PTPRD: variants seen among roughly 807,000 people sequenced by gnomAD.
The protein encoded by PTPRD is receptor-type tyrosine-protein phosphatase delta.
Under a neutral mutation model 214.5 loss-of-function variants are expected in PTPRD, and 34 were observed. The observed-to-expected ratio is 0.16, with a 90% CI of 0.12 to 0.21. The LOEUF (loss-of-function observed/expected upper bound fraction) is 0.21. Ranked by LOEUF, PTPRD falls within the 10% of genes least tolerant of loss-of-function variation. PTPRD has a pLI of 1.00. For missense variants in PTPRD, 2,545 were observed against 2,398.7 expected, an observed-to-expected ratio of 1.06 and a Z score of -1.27; for synonymous variants, 1,128 against 845.7, an observed-to-expected ratio of 1.33 and a Z score of -5.79.
At chr9:9,532,667 G>C (rs1046567352) in intron 8 of PTPRD, among the ~76,000 whole-genome samples, 1 of 152,130 alleles carries the variant, frequency 6.6e-6, no homozygotes, top group African/African-American at 2.4e-5. Context: ...TTGTGATTCA[G>C]ATCATTTTGC....
chr9:10,514,641 A>G (rs2049396493), intron 2 of PTPRD, among the ~76,000 whole-genome samples: 2 of 151,914 alleles, frequency 1.3e-5, no homozygotes, highest in African/African-American at 4.8e-5. Context: ...ATAGTTAACC[A>G]AGTGACTTTT....
At chr9:9,617,292 G>A (rs1464239667) in intron 7 of PTPRD, among the ~76,000 whole-genome samples, 1 of 152,050 alleles carries the variant, frequency 6.6e-6, no homozygotes, top group Non-Finnish European at 1.5e-5. Context: ...ACTAATTCAG[G>A]TCCTCTGCAT....
intron 3 of PTPRD, among the ~76,000 whole-genome samples, chr9:10,282,177 T>C (rs1421581079): frequency 6.6e-6 from 1 of 152,164 alleles, no homozygotes; most frequent in Non-Finnish European, 1.5e-5. Flanking sequence ...AATAGCTCCA[T>C]GATATAGAGA....
At chr9:8,697,364 T>C (rs1396014242) in intron 12 of PTPRD, among the ~76,000 whole-genome samples, 1 of 151,684 alleles carries the variant, frequency 6.6e-6, no homozygotes, top group East Asian at 1.9e-4. Flanking sequence ...AATTTTCAGA[T>C]TGTAAGTTTG....
chr9:10,233,484 T>C (rs1409147282), intron 3 of PTPRD, among the ~76,000 whole-genome samples: 2 of 151,982 alleles, frequency 1.3e-5, no homozygotes, highest in African/African-American at 4.8e-5. Context: ...GAGATCTCTG[T>C]CTCTTTTCCT....
At chr9:9,446,544 C>T (rs1439569014) in intron 8 of PTPRD, among the ~76,000 whole-genome samples, 1 of 152,118 alleles carries the variant, frequency 6.6e-6, no homozygotes, top group African/African-American at 2.4e-5. Context: ...TTTCTTTATT[C>T]AATTCACTGT....
At chr9:9,170,387 G>T (rs939392478) in intron 10 of PTPRD, among the ~76,000 whole-genome samples, 1 of 152,156 alleles carries the variant, frequency 6.6e-6, no homozygotes, top group African/African-American at 2.4e-5. Context: ...TAACAAAATA[G>T]ATTGGGTGGT....
At chr9:9,028,769 A>G (rs562084367) in intron 10 of PTPRD, among the ~76,000 whole-genome samples, 45 of 152,100 alleles carry the variant, frequency 3.0e-4, no homozygotes, top group Non-Finnish European at 5.9e-4. Context: ...TGAGTGGTAC[A>G]GCTAATGCGT....
chr9:10,379,069 T>C (rs2097775889), intron 2 of PTPRD, among the ~76,000 whole-genome samples: 1 of 152,058 alleles, frequency 6.6e-6, no homozygotes, highest in Non-Finnish European at 1.5e-5. Flanking sequence ...TTTAATTTTA[T>C]TTCTGGTATT....
At chr9:8,969,258 A>G (rs1296331395) in intron 11 of PTPRD, among the ~76,000 whole-genome samples, 1 of 152,110 alleles carries the variant, frequency 6.6e-6, no homozygotes, top group Non-Finnish European at 1.5e-5. Context: ...AGGTGCCCTC[A>G]TCAAATTCCT....
intron 11 of PTPRD, among the ~76,000 whole-genome samples, chr9:8,767,471 T>G (rs1272028793): frequency 1.6e-4 from 25 of 152,130 alleles, no homozygotes; most frequent in Non-Finnish European, 3.1e-4. Context: ...CAAAGATCAT[T>G]TATATAGGAA....
chr9:10,368,387 C>A (rs375225599), intron 2 of PTPRD, among the ~76,000 whole-genome samples: 26 of 152,212 alleles, frequency 1.7e-4, no homozygotes, highest in African/African-American at 5.8e-4. Flanking sequence ...TGACACCTTA[C>A]TTGTCCTTCT....
chr9:8,321,485 G>GTATATATATATATATA (rs1486135985), intron 44 of PTPRD, among the ~76,000 whole-genome samples: 2 of 45,402 alleles, frequency 4.4e-5, no homozygotes, highest in African/African-American at 1.3e-4. Flanking sequence ...GTGTGTGTGT[G>GTATATATATATATATA]TGTATATATA....
At chr9:9,809,777 C>T (rs183798347) in intron 5 of PTPRD, among the ~76,000 whole-genome samples, 1 of 152,230 alleles carries the variant, frequency 6.6e-6, no homozygotes. Context: ...AGACAGGTGA[C>T]ATTCCATGAT....
chr9:9,629,398 AT>A (rs2095521198), intron 7 of PTPRD, among the ~76,000 whole-genome samples: 1 of 151,954 alleles, frequency 6.6e-6, no homozygotes. Context: ...TGTTTTCTTC[AT>A]TCTTTTAATA....
intron 11 of PTPRD, among the ~76,000 whole-genome samples, chr9:9,014,265 ACTT>A (rs1382493138): frequency 6.6e-6 from 1 of 150,464 alleles, no homozygotes; most frequent in Non-Finnish European, 1.5e-5. Flanking sequence ...TTTGAATAAA[ACTT>A]CTCCACGATC....
chr9:10,149,496 T>G (rs1314082613), intron 3 of PTPRD, among the ~76,000 whole-genome samples: 1 of 152,174 alleles, frequency 6.6e-6, no homozygotes, highest in African/African-American at 2.4e-5. Flanking sequence ...AGATGGTACA[T>G]TTAGGCAAGG....
chr9:8,815,178 G>T (rs1392648769), intron 11 of PTPRD, among the ~76,000 whole-genome samples: 1 of 151,702 alleles, frequency 6.6e-6, no homozygotes, highest in Non-Finnish European at 1.5e-5. Flanking sequence ...GTGGAAAGAA[G>T]ATATAGAGTA....
At chr9:10,139,288 GAA>G (rs59813570) in intron 3 of PTPRD, among the ~76,000 whole-genome samples, 1 of 148,938 alleles carries the variant, frequency 6.7e-6, no homozygotes. Context: ...TAATAGCAAT[GAA>G]AAAAAAATGC....
Sources: allele counts gnomAD v4.1 joint callset (sites outside exome capture counted in the v4.1 genomes callset), GRCh38; gene constraint gnomAD v4.1.1; transcripts MANE v1.5; gene names NCBI Gene and HGNC (gene_info 2026-07-23, HGNC 2026-07-21).